Variants in COL6A3 observed in about 807,000 individuals in gnomAD.
The protein encoded by COL6A3 is collagen alpha-3(VI) chain.
In COL6A3, 137 loss-of-function variants were observed where a neutral mutation model predicts 274.1. The observed-to-expected ratio is 0.50, with a 90% CI of 0.44 to 0.58. COL6A3 has a LOEUF of 0.58. COL6A3 is among the 20% of genes least tolerant of loss of function. COL6A3 has a pLI of 0.00. For synonymous variants in COL6A3, 1,650 were observed against 1,650.6 expected (o/e 1.00, Z 0.01); for missense variants, 3,950 against 4,124.9 (o/e 0.96, Z 1.16).
chr2:237,325,389 T>C (rs1699885963), intron 43 of COL6A3, among the ~76,000 whole-genome samples, 171 bp downstream of exon 43: 1 of 152,200 alleles, frequency 6.6e-6, no homozygotes, highest in African/African-American at 2.4e-5. Context: ...AAATAGGAAT[T>C]CAAAAAGACA....
intron 8 of COL6A3, among the ~76,000 whole-genome samples, chr2:237,373,496 G>A (rs1432301116): frequency 2.6e-5 from 4 of 152,138 alleles, no homozygotes; most frequent in African/African-American, 9.7e-5. Context: ...CACCAGCGAG[G>A]AGAAACCAAG....
intron 6 of COL6A3, 144 bp downstream of exon 6, chr2:237,378,492 A>G: frequency 2.4e-6 from 3 of 1,233,292 alleles, no homozygotes; most frequent in Non-Finnish European, 3.6e-6. Flanking sequence ...ACAGTGTCTC[A>G]AGTCCCCATT....
At chr2:237,399,597 G>A (rs2078538775) in intron 1 of COL6A3, among the ~76,000 whole-genome samples, 1 of 152,146 alleles carries the variant, frequency 6.6e-6, no homozygotes, top group South Asian at 2.1e-4. Context: ...GCCTCCTTCT[G>A]GAACAGTTAC....
Position 237,371,620 on chromosome 2 carries a change from G to C in COL6A3, c.4285+112C>G, listed in dbSNP as rs1189040403. On this transcript the variant is annotated intron_variant, in intron 9 of 43. Coordinates refer to ENST00000295550, the MANE Select transcript of COL6A3 (RefSeq NM_004369.4). The surrounding 1 kb of genome is among the most constrained non-coding windows in gnomAD (Gnocchi z 4.3). ...CTCAAAATAAAAACCATAAAGGTAAGGGCATACAACCTTTATTTTAATTTA... is the reference window on the plus strand; with the variant it reads ...CTCAAAATAAAAACCATAAAGGTAACGGCATACAACCTTTATTTTAATTTA... The C allele has an allele frequency of 6.7e-7, 1 of 1,503,338 alleles. No homozygotes were observed. The highest frequency in any genetic ancestry group is 1.4e-5 in the African/African-American group (1 of 71,496). 93.1% of individuals were successfully genotyped at this position (1,503,338 alleles called of 1,614,324 possible).
At chr2:237,391,633 A>G (rs1427445451) in intron 3 of COL6A3, among the ~76,000 whole-genome samples, 1 of 152,054 alleles carries the variant, frequency 6.6e-6, no homozygotes, top group Non-Finnish European at 1.5e-5. Context: ...CCTGGATTCA[A>G]GCGATTCTCC....
chr2:237,381,390 C>G lies in COL6A3; in HGVS notation c.1422G>C (p.Arg474Ser). Residue 474 changes from arginine (R) to serine (S), a missense_variant, in exon 5 of 44, where the codon AGG becomes AGC. Transcript: ENST00000295550. Reference sequence around the variant, plus strand: ...GGATAAGATCCTGTCCGATTTCCAGCCTCTGGATGACTTTAGCAATGAAGT... The same window carrying G: ...GGATAAGATCCTGTCCGATTTCCAGGCTCTGGATGACTTTAGCAATGAAGT... ...IRDFIAKVIQ[R>S]LEIGQDLIQV... 6.2e-7 allele frequency: 1 copy of G among 1,614,100 alleles called. No individual in the cohort carries two copies.
At position 237,394,990 on chromosome 2, in the gene COL6A3, G is replaced by T; in HGVS notation, c.306C>A (p.Val102=). ...AAGACATGTTGGAAATATGAGAAAG[G>T]ACTTCTTGTTTAGTACGATACGTAT... is the stretch of plus-strand genomic sequence containing the variant. ...LLNTYRTKQE[V]LSHISNMSYI... The change falls in exon 3 of 44, where the codon GTC becomes GTA. Residue 102 remains valine, a synonymous_variant. Transcript: ENST00000295550. 1 of 1,614,142 alleles carries T rather than the reference G, an allele frequency of 6.2e-7. No homozygotes were observed. Among genetic ancestry groups the T allele is most frequent in the Admixed American group, 1.7e-5 (1 of 60,024 alleles).
Position 237,344,905 on chromosome 2 carries a change from C to A in COL6A3, c.7174+36G>T. On this transcript the variant is annotated intron_variant, in intron 35 of 43. Coordinates refer to ENST00000295550, the MANE Select transcript of COL6A3 (RefSeq NM_004369.4). The surrounding 1 kb of genome is among the most constrained non-coding windows in gnomAD (Gnocchi z 4.8). Reference sequence around the variant, plus strand: ...TGTACTTACTACAAAAGGGAGGCTTCCTTTCCTTAGGAGAAAGTCACCAAA... The same window carrying A: ...TGTACTTACTACAAAAGGGAGGCTTACTTTCCTTAGGAGAAAGTCACCAAA... 2 of 1,614,032 alleles carry A rather than the reference C, an allele frequency of 1.2e-6. No homozygotes were observed. The highest frequency in any genetic ancestry group is 1.7e-6 in the Non-Finnish European group (2 of 1,180,030).
intron 5 of COL6A3, among the ~76,000 whole-genome samples, 171 bp downstream of exon 5, chr2:237,380,744 A>T (rs1481532907): frequency 2.0e-5 from 3 of 152,250 alleles, no homozygotes; most frequent in African/African-American, 4.8e-5. Context: ...TGTAAACCAT[A>T]CAATCCTGAA....
At chr2:237,406,662 T>A (rs933650571) in intron 1 of COL6A3, among the ~76,000 whole-genome samples, 19 of 151,212 alleles carry the variant, frequency 1.3e-4, no homozygotes, top group African/African-American at 4.3e-4. Context: ...TTTGCACGAA[T>A]CCTGGGAAAG....
chr2:237,408,423 G>T (rs1167133786), intron 1 of COL6A3, among the ~76,000 whole-genome samples: 1 of 152,154 alleles, frequency 6.6e-6, no homozygotes, highest in Admixed American at 6.5e-5. Flanking sequence ...GAGCACCCTG[G>T]TGCACCGCCG....
At chr2:237,375,808 G>T (rs1486827476) in intron 7 of COL6A3, among the ~76,000 whole-genome samples, 1 of 152,186 alleles carries the variant, frequency 6.6e-6, no homozygotes, top group African/African-American at 2.4e-5. Context: ...CTCCCAGAGT[G>T]CTGGGATTAC....
At chr2:237,395,238 C>G (rs1260233177) in intron 2 of COL6A3, 34 bp from the exon 3 acceptor site, 1 of 1,609,724 alleles carries the variant, frequency 6.2e-7, no homozygotes, top group Non-Finnish European at 8.5e-7. Context: ...GATTTTTCTA[C>G]TATGTAAGCA....
At chr2:237,363,042 C>T (rs1218326725) in intron 14 of COL6A3, among the ~76,000 whole-genome samples, 1 of 152,128 alleles carries the variant, frequency 6.6e-6, no homozygotes, top group Non-Finnish European at 1.5e-5. Flanking sequence ...TTCCAGCTCG[C>T]TGGATTTCCA....
Position 237,374,274 on chromosome 2 carries a change from T to A in COL6A3, c.3679+138A>T. 8.2e-7 allele frequency: 1 copy of A among 1,223,274 alleles called. No individual in the cohort carries two copies. The highest frequency in any genetic ancestry group is 1.2e-6 in the Non-Finnish European group (1 of 846,936). 75.8% of individuals were successfully genotyped at this position (1,223,274 alleles called of 1,614,324 possible). A position where few individuals can be genotyped will look rare whatever the true frequency, so the allele number is the denominator to read the frequency against. On this transcript the variant is annotated intron_variant, in intron 8 of 43. Transcript: ENST00000295550. This position sits in a 1 kb window ranked among gnomAD's most constrained non-coding sequence, Gnocchi z 4.8. The stretch of plus-strand genomic sequence containing the variant: ...TCGAGGCCAAAAAGGGCATGTGGGT[T>A]CCTAAATTTTCCTGTAATTTTAGTT...
At chr2:237,410,221 C>T (rs1574786234) in intron 1 of COL6A3, among the ~76,000 whole-genome samples, 1 of 152,096 alleles carries the variant, frequency 6.6e-6, no homozygotes, top group Admixed American at 6.5e-5. Context: ...CAGAGATACA[C>T]CTCCCTCTAG....
At chr2:237,355,369 G>A (rs2077296280) in intron 23 of COL6A3, 1 of 164,618 alleles carries the variant, frequency 6.1e-6, no homozygotes, top group African/African-American at 2.4e-5. Flanking sequence ...GGAGTCCCAG[G>A]TTCTCCAAGT....
chr2:237,339,150 C>A (rs112546479), intron 38 of COL6A3, 33 bp from the exon 39 acceptor site: 1 of 1,433,882 alleles, frequency 7.0e-7, no homozygotes, highest in Admixed American at 1.7e-5. Context: ...ACAATTGAAC[C>A]GCATGCTAAT....
In COL6A3 at chr2:237,381,480, T is replaced by G. The variant is rs1209235194; in HGVS notation, c.1332A>C (p.Arg444Ser). ...IVTQVIEVNKRDIVFLVDGSS... is the reference protein window; with the variant it reads ...IVTQVIEVNKSDIVFLVDGSS... ...AGCCATCCACCAGGAAGACTATGTC[T>G]CTCTTGTTGACTTCAATGACTGTAG... Residue 444 changes from arginine to serine, a missense_variant, in exon 5 of 44, where the codon AGA becomes AGC. By Grantham distance (110) the Arg-to-Ser change is moderately radical (BLOSUM62 -1). This residue lies in a region of COL6A3 where 1,934 missense variants were observed against 1,984.3 expected (regional missense o/e 0.97). Coordinates refer to ENST00000295550, the MANE Select transcript of COL6A3 (RefSeq NM_004369.4). 17 of 1,604,098 alleles carry G rather than the reference T, an allele frequency of 1.1e-5. No homozygotes were observed. Among genetic ancestry groups the G allele is most frequent in the Non-Finnish European group, 1.4e-5 (17 of 1,179,942 alleles).
Sources: gnomAD v4.1 joint callset for allele counts (sites outside exome capture counted in the v4.1 genomes callset) on GRCh38, gnomAD v4.1.1 for gene constraint, gnomAD v4.1.1 regional missense constraint, Gnocchi (gnomAD v3.1) non-coding constraint, MANE v1.5 for transcripts, NCBI Gene and HGNC (gene_info 2026-07-23, HGNC 2026-07-21) for gene names.